NBR1: variants seen among roughly 807,000 people sequenced by gnomAD.
NBR1 encodes the protein next to BRCA1 gene 1 protein.
NBR1 carries 59 observed loss-of-function variants against 115.5 expected under a neutral mutation model. That is an observed-to-expected ratio of 0.51 (90% CI 0.41 to 0.63). The LOEUF is 0.63. Among genes scored for constraint, NBR1 ranks in the 30% least tolerant of loss-of-function variants. The probability of loss-of-function intolerance (pLI) is 0.00; values close to 1 mark genes in which losing one functional copy is unlikely to be tolerated. For missense variants in NBR1, 1,043 were observed against 1,150.5 expected (o/e 0.91, Z 1.35); for synonymous variants, 373 against 414.7 (o/e 0.90, Z 1.22).
At chr17:43,201,638 C>A (rs745583084) in intron 17 of NBR1, 48 bp from the exon 18 acceptor site, 1 of 1,110,826 alleles carries the variant, frequency 9.0e-7, no homozygotes, top group South Asian at 1.3e-5. Flanking sequence ...TCCACTGTTG[C>A]CATAAGTGCC....
chr17:43,194,382 G>T lies in NBR1; in HGVS notation c.1557G>T (p.Gln519His). The change falls in exon 13 of 21, where the codon CAG (glutamine) becomes CAT (histidine). Residue 519 changes from glutamine (Q) to histidine (H), a missense_variant. By Grantham distance (24) the Gln-to-His change is conservative. Transcript: ENST00000590996. ...TTCTTCTGGCTAAAGAAGAAAGACA[G>T]CTTGGTGAAGTGACTGAGCAGACAG... ...ETFLLAKEER[Q>H]LGEVTEQTEG... The T allele has an allele frequency of 6.2e-7, 1 of 1,613,834 alleles. No homozygotes were observed. The highest frequency in any genetic ancestry group is 1.1e-5 in the South Asian group (1 of 91,078).
At chr17:43,208,473 C>A (rs1282514736) in intron 20 of NBR1, among the ~76,000 whole-genome samples, 1 of 152,174 alleles carries the variant, frequency 6.6e-6, no homozygotes. Flanking sequence ...TGTTTGCATA[C>A]TGTTCTCATC....
At chr17:43,175,631 TCG>T (rs2056494145) in intron 1 of NBR1, among the ~76,000 whole-genome samples, 158 bp from the exon 2 acceptor site, 1 of 149,934 alleles carries the variant, frequency 6.7e-6, no homozygotes. Context: ...ATGGTAAGTT[TCG>T]TAAGAACAGG....
At chr17:43,174,027 C>A (rs1337302834) in intron 1 of NBR1, among the ~76,000 whole-genome samples, 1 of 152,070 alleles carries the variant, frequency 6.6e-6, no homozygotes, top group Non-Finnish European at 1.5e-5. Context: ...GAATAGAAAT[C>A]TGATTAAGGA....
At chr17:43,186,982 G>C (rs921197666) in intron 6 of NBR1, among the ~76,000 whole-genome samples, 85 of 152,174 alleles carry the variant, frequency 5.6e-4, no homozygotes, top group African/African-American at 2.0e-3. Context: ...ATAAACATAC[G>C]TTTGCATGTG....
At chr17:43,201,515 T>G (rs1034795343) in intron 17 of NBR1, among the ~76,000 whole-genome samples, 171 bp from the exon 18 acceptor site, 1 of 152,124 alleles carries the variant, frequency 6.6e-6, no homozygotes, top group Non-Finnish European at 1.5e-5. Flanking sequence ...AAGAGGAAAA[T>G]GGGGTAGAAT....
rs2056927096 is a variant in NBR1, at chr17:43,190,772, G to A, written c.859G>A (p.Val287Ile). Residue 287 changes from valine to isoleucine, a missense_variant, in exon 9 of 21, where the codon GTC becomes ATC. Coordinates refer to ENST00000590996, the MANE Select transcript of NBR1 (RefSeq NM_005899.5). ...TPRLPAALEQVRLQKQVDKNF... is the reference protein window; with the variant it reads ...TPRLPAALEQIRLQKQVDKNF... ...TCGTCTTCCTGCTGCTCTGGAACAA[G>A]TCAGGTAAAACCCTCTACATGGAGA... 1 of 1,597,458 alleles carries A rather than the reference G, an allele frequency of 6.3e-7. No individual in the cohort carries two copies. The highest frequency in any genetic ancestry group is 1.1e-5 in the South Asian group (1 of 88,444).
chr17:43,178,670 C>G (rs1174968977), intron 3 of NBR1, among the ~76,000 whole-genome samples: 1 of 152,070 alleles, frequency 6.6e-6, no homozygotes, highest in Non-Finnish European at 1.5e-5. Context: ...AGCTACCACA[C>G]CTGGCCAAGA....
At chr17:43,189,452 G>T (rs1306801902) in intron 7 of NBR1, 136 bp from the exon 8 acceptor site, 1 of 647,194 alleles carries the variant, frequency 1.5e-6, no homozygotes, top group Non-Finnish European at 2.7e-6. Context: ...CTATGTTTCT[G>T]TCTATTCAGT....
intron 19 of NBR1, among the ~76,000 whole-genome samples, chr17:43,203,163 A>G (rs994213849): frequency 3.9e-5 from 6 of 152,190 alleles, no homozygotes; most frequent in East Asian, 1.9e-4. Context: ...AAAAAAAAAA[A>G]AGAGTGTTTT....
Position 43,189,692 on chromosome 17 carries a change from C to A in NBR1, c.585C>A (p.Val195=). 6.2e-7 allele frequency: 1 copy of A among 1,613,880 alleles called. No homozygotes were observed. The highest frequency in any genetic ancestry group is 8.5e-7 in the Non-Finnish European group (1 of 1,179,784). ...CCTTGGGTTCTTGTCCCTCAGAAGT[C>A]TCAATGCCTACTTCAGAAGAAACAT... ...NPSLGSCPSE[V]SMPTSEETLF... The change falls in exon 8 of 21, where the codon GTC becomes GTA. Residue 195 remains valine, a synonymous_variant. Transcript: ENST00000590996.
chr17:43,179,722 G>A (rs2056615919), intron 4 of NBR1, among the ~76,000 whole-genome samples: 1 of 152,156 alleles, frequency 6.6e-6, no homozygotes, highest in African/African-American at 2.4e-5. Context: ...TTCTGACTTG[G>A]TATATATGTT....
Position 43,209,459 on chromosome 17 carries a change from CCT to C in NBR1, c.2728-439_2728-438del. 3.2e-6 allele frequency: 3 copies of C among 947,466 alleles called. No individual in the cohort carries two copies. The South Asian group carries it at 4.4e-5, about 14-fold the overall frequency. 58.7% of individuals were successfully genotyped at this position (947,466 alleles called of 1,614,324 possible). On this transcript the variant is annotated intron_variant, in intron 20 of 20. Coordinates refer to ENST00000590996, the MANE Select transcript of NBR1 (RefSeq NM_005899.5). ...CCCAAGCTGTTTTTTTTGTCCAGCT[CCT>C]CTGCATATCTGACAAAATTTCCCAT... is the stretch of plus-strand genomic sequence containing the variant.
At chr17:43,188,330 G>GT (rs1233952327) in intron 6 of NBR1, among the ~76,000 whole-genome samples, 1 of 151,990 alleles carries the variant, frequency 6.6e-6, no homozygotes, top group Non-Finnish European at 1.5e-5. Context: ...TTGTAAATTT[G>GT]TTTAAGTTCC....
intron 6 of NBR1, among the ~76,000 whole-genome samples, chr17:43,186,981 C>T (rs752770637): frequency 3.3e-5 from 5 of 152,088 alleles, no homozygotes; most frequent in Non-Finnish European, 4.4e-5. Flanking sequence ...AATAAACATA[C>T]GTTTGCATGT....
At chr17:43,185,038 G>A (rs138296785) in intron 5 of NBR1, among the ~76,000 whole-genome samples, 202 of 150,930 alleles carry the variant, frequency 1.3e-3, no homozygotes, top group African/African-American at 4.2e-3. Flanking sequence ...GCAGTGAGCC[G>A]AGATTGCATC....
At chr17:43,189,406 C>T (rs960469077) in intron 7 of NBR1, among the ~76,000 whole-genome samples, 182 bp from the exon 8 acceptor site, 31 of 152,176 alleles carry the variant, frequency 2.0e-4, no homozygotes, top group African/African-American at 6.5e-4. Flanking sequence ...ATATTTTCTT[C>T]GAACCAGTTT....
intron 16 of NBR1, among the ~76,000 whole-genome samples, chr17:43,197,828 A>G (rs2057104477): frequency 6.6e-6 from 1 of 152,174 alleles, no homozygotes; most frequent in Non-Finnish European, 1.5e-5. Context: ...GTACCAACAA[A>G]GTTTCTCAAG....
At chr17:43,196,401 A>G (rs1013523736) in intron 14 of NBR1, 80 bp from the exon 15 acceptor site, 1 of 857,890 alleles carries the variant, frequency 1.2e-6, no homozygotes, top group African/African-American at 1.8e-5. Context: ...AGAAGCCTAC[A>G]AACTGCTACT....
Sources: gnomAD v4.1 joint callset for allele counts (sites outside exome capture counted in the v4.1 genomes callset) on GRCh38, gnomAD v4.1.1 for gene constraint, MANE v1.5 for transcripts, NCBI Gene and HGNC (gene_info 2026-07-23, HGNC 2026-07-21) for gene names.